GALC: variants seen among roughly 807,000 people sequenced by gnomAD.
The protein encoded by GALC is galactocerebrosidase.
A neutral mutation model predicts 91.8 loss-of-function variants in GALC; 77 were observed. That is an observed-to-expected ratio of 0.84 (90% CI 0.70 to 1.01). The LOEUF is 1.01. Ranked by LOEUF, GALC falls within the 50% of genes least tolerant of loss-of-function variation. The pLI is 0.00. For missense variants in GALC, 882 were observed against 855.9 expected, an observed-to-expected ratio of 1.03 and a Z score of -0.38; for synonymous variants, 357 against 306.7, an observed-to-expected ratio of 1.16 and a Z score of -1.71.
intron 12 of GALC, among the ~76,000 whole-genome samples, chr14:87,949,536 C>T (rs111231057): frequency 0.016 from 2,442 of 151,898 alleles, 67 homozygotes; most frequent in African/African-American, 0.056. Context: ...CAAGAAGTAA[C>T]GGTGGTAATG....
chr14:87,937,210 T>A (rs1437103803), intron 16 of GALC, among the ~76,000 whole-genome samples: 1 of 151,828 alleles, frequency 6.6e-6, no homozygotes, highest in Non-Finnish European at 1.5e-5. Flanking sequence ...GATTTATATG[T>A]CAAATACTGT....
chr14:87,945,104 T>TA (rs1431634198), intron 14 of GALC, among the ~76,000 whole-genome samples: 2 of 127,660 alleles, frequency 1.6e-5, no homozygotes, highest in African/African-American at 2.9e-5. Flanking sequence ...AGCTTTTTAC[T>TA]ATTGCCATCT....
chr14:87,984,595 A>G (rs1285172895), intron 4 of GALC, 62 bp from the exon 5 acceptor site: 10 of 1,579,804 alleles, frequency 6.3e-6, no homozygotes, highest in African/African-American at 1.4e-5. Flanking sequence ...GCTATTGAAA[A>G]TAAAACAAAT....
chr14:87,949,822 A>G lies in GALC; in HGVS notation c.1338+23T>C, dbSNP rs74076317. The G allele has an allele frequency of 3.6e-3, 4,451 of 1,230,324 alleles. 127 individuals are homozygous for G. The African/African-American group carries it at 0.058, about 16-fold the overall frequency. 76.2% of individuals were successfully genotyped at this position (1,230,324 alleles called of 1,614,324 possible). A position where few individuals can be genotyped will look rare whatever the true frequency, so the allele number is the denominator to read the frequency against. On this transcript the variant is annotated intron_variant, in intron 12 of 16. Coordinates refer to ENST00000261304, the MANE Select transcript of GALC (RefSeq NM_000153.4). ...GTTTTACTGTTGGAATACCCAAAATATAAGAATTTACTTTAAAATTACCCA... is the reference window on the plus strand; with the variant it reads ...GTTTTACTGTTGGAATACCCAAAATGTAAGAATTTACTTTAAAATTACCCA...
At chr14:87,954,342 A>G in intron 10 of GALC, 3 of 1,601,348 alleles carry the variant, frequency 1.9e-6, no homozygotes, top group Non-Finnish European at 2.6e-6. Flanking sequence ...TAGAGGACAG[A>G]AGCAGAAAAA....
intron 9 of GALC, among the ~76,000 whole-genome samples, chr14:87,964,130 T>C (rs1010159014): frequency 6.6e-6 from 1 of 152,128 alleles, no homozygotes; most frequent in African/African-American, 2.4e-5. Context: ...ACAAGTCCAA[T>C]ATACAAGTCT....
At chr14:87,980,252 G>A (rs1283940745) in intron 6 of GALC, among the ~76,000 whole-genome samples, 3 of 151,930 alleles carry the variant, frequency 2.0e-5, no homozygotes, top group South Asian at 2.1e-4. Flanking sequence ...GCGTGGTGGT[G>A]GGCACCTGTA....
At chr14:87,992,653 G>C in intron 1 of GALC, 1 of 1,440,550 alleles carries the variant, frequency 6.9e-7, no homozygotes, top group Non-Finnish European at 9.1e-7. Context: ...GTGCCCCACT[G>C]CCTGGGACGA....
At chr14:87,992,276 C>CA in intron 1 of GALC, 6 of 1,535,460 alleles carry the variant, frequency 3.9e-6, no homozygotes, top group Non-Finnish European at 5.2e-6. Flanking sequence ...ATTTCGGATA[C>CA]AAAACCAAAA....
At chr14:87,974,428 A>G (rs1029972682) in intron 7 of GALC, among the ~76,000 whole-genome samples, 2 of 152,154 alleles carry the variant, frequency 1.3e-5, no homozygotes, top group African/African-American at 4.8e-5. Context: ...CCAAATAACA[A>G]AGCAGAAGCT....
chr14:87,952,258 G>A (rs1320569799), intron 10 of GALC, among the ~76,000 whole-genome samples: 1 of 151,766 alleles, frequency 6.6e-6, no homozygotes, highest in Non-Finnish European at 1.5e-5. Flanking sequence ...CAGGTTAAGA[G>A]AAAACATACA....
intron 9 of GALC, among the ~76,000 whole-genome samples, chr14:87,964,250 T>C (rs1328664199): frequency 1.3e-5 from 2 of 152,252 alleles, no homozygotes; most frequent in East Asian, 3.9e-4. Flanking sequence ...GAGTTTAGAA[T>C]AATATCATGA....
At chr14:87,938,675 T>C (rs1884697554) in intron 16 of GALC, among the ~76,000 whole-genome samples, 1 of 151,938 alleles carries the variant, frequency 6.6e-6, no homozygotes, top group Non-Finnish European at 1.5e-5. Flanking sequence ...GACTTACACA[T>C]AAAAATAAAT....
At chr14:87,982,978 A>G (rs17123957) in intron 5 of GALC, among the ~76,000 whole-genome samples, 14,051 of 152,238 alleles carry the variant, frequency 0.092, 794 homozygotes, top group African/African-American at 0.15. Context: ...TGACTGTACC[A>G]TAAGAGAAAG....
chr14:87,953,704 A>G, intron 10 of GALC: 6 of 1,608,374 alleles, frequency 3.7e-6, no homozygotes, highest in Non-Finnish European at 5.1e-6. Flanking sequence ...AATGAAGTTG[A>G]TTTCTAATGC....
intron 3 of GALC, 158 bp downstream of exon 3, chr14:87,987,986 T>A (rs537902916): frequency 1.6e-6 from 1 of 633,732 alleles, no homozygotes; most frequent in African/African-American, 1.8e-5. Flanking sequence ...ATAATATTTT[T>A]AAATAATTAC....
In GALC at chr14:87,934,860, T is replaced by C. The variant is rs1466841962; in HGVS notation, c.1930A>G (p.Met644Val). 2 of 1,611,718 alleles carry C rather than the reference T, an allele frequency of 1.2e-6. No individual in the cohort carries two copies. Among genetic ancestry groups the C allele is most frequent in the African/African-American group, 1.3e-5 (1 of 74,860 alleles). The change falls in exon 17 of 17, where the codon ATG becomes GTG. Residue 644 changes from methionine (M) to valine (V), a missense_variant. By Grantham distance (21) the Met-to-Val change is conservative (BLOSUM62 1). Coordinates refer to ENST00000261304, the MANE Select transcript of GALC (RefSeq NM_000153.4). ...LTIKGHFTSG[M>V]LNDKSLWTDI... ...GTCCACAGAGACTTGTCATTCAGCATGCCAGAGGTGAAATGACCCTAGAGT... is the reference window on the plus strand; with the variant it reads ...GTCCACAGAGACTTGTCATTCAGCACGCCAGAGGTGAAATGACCCTAGAGT...
At chr14:87,946,660 A>G (rs1051636320) in intron 13 of GALC, among the ~76,000 whole-genome samples, 10 of 151,946 alleles carry the variant, frequency 6.6e-5, no homozygotes, top group African/African-American at 2.4e-4. Flanking sequence ...TCCCACACAG[A>G]TTCCTCACTT....
chr14:87,980,570 A>AC, intron 6 of GALC: 2 of 817,162 alleles, frequency 2.4e-6, no homozygotes, highest in Non-Finnish European at 2.9e-6. Context: ...GTTCCTATCC[A>AC]TCCGTTCTTG....
Sources: gnomAD v4.1 joint callset for allele counts (sites outside exome capture counted in the v4.1 genomes callset) on GRCh38, gnomAD v4.1.1 for gene constraint, MANE v1.5 for transcripts, NCBI Gene and HGNC (gene_info 2026-07-23, HGNC 2026-07-21) for gene names.